The following GRID2 variants were observed in gnomAD, a reference collection of about 807,000 sequenced individuals.
The protein encoded by GRID2 is glutamate receptor ionotropic, delta-2.
Under a neutral mutation model 114.8 loss-of-function variants are expected in GRID2, and 33 were observed. The ratio of observed to expected loss-of-function variants is 0.29; its 90% CI spans 0.22 to 0.38. GRID2 has a LOEUF of 0.38. GRID2 is among the 10% of genes least tolerant of loss of function. The probability of loss-of-function intolerance (pLI) is 1.00; values close to 1 mark genes in which losing one functional copy is unlikely to be tolerated. For synonymous variants in GRID2, 505 were observed against 449.9 expected (o/e 1.12, Z -1.55); for missense variants, 1,184 against 1,257.7 (o/e 0.94, Z 0.89).
Position 92,590,199 on chromosome 4 carries a change from C to A in GRID2, c.157C>A (p.Gln53Lys). 2 of 1,611,412 alleles carry A rather than the reference C, an allele frequency of 1.2e-6. No homozygotes were observed. The highest frequency in any genetic ancestry group is 8.5e-7 in the Non-Finnish European group (1 of 1,177,686). The change falls in exon 2 of 16, where the codon CAG becomes AAG. Residue 53 changes from glutamine (Q) to lysine (K), a missense_variant. By Grantham distance (53) the Gln-to-Lys change is moderately conservative. Around this residue, in one of 3 missense-constraint regions of GRID2, gnomAD observed 455 missense variants for 429.5 expected, o/e 1.06. Transcript: ENST00000282020. ...VFRTAVGDLN[Q>K]NEEILQTEKI... ...TCGCACTGCGGTTGGTGACCTTAAC[C>A]AGAATGAGGAGATCTTACAGACTGA...
At chr4:93,001,152 A>T (rs2149216937) in intron 2 of GRID2, among the ~76,000 whole-genome samples, 1 of 151,738 alleles carries the variant, frequency 6.6e-6, no homozygotes, top group Middle Eastern at 3.4e-3. Context: ...AATGATTACA[A>T]TTTTTCCTCC....
intron 9 of GRID2, among the ~76,000 whole-genome samples, chr4:93,406,817 A>C (rs181954430): frequency 3.9e-5 from 6 of 152,236 alleles, no homozygotes; most frequent in Admixed American, 2.0e-4. Flanking sequence ...TTTGTTAGGA[A>C]GCTGCACGCT....
chr4:93,748,522 C>T (rs1268394521), intron 14 of GRID2, among the ~76,000 whole-genome samples: 2 of 152,156 alleles, frequency 1.3e-5, no homozygotes, highest in Admixed American at 1.3e-4. Context: ...TTAGTTGAAA[C>T]TTGTCTTTGA....
intron 13 of GRID2, among the ~76,000 whole-genome samples, chr4:93,591,584 G>A (rs1738312805): frequency 6.6e-6 from 1 of 152,102 alleles, no homozygotes; most frequent in African/African-American, 2.4e-5. Flanking sequence ...ATGAGTTAGG[G>A]AGGATTCCCT....
chr4:93,794,016 C>T (rs1396707010), intron 1 of GRID2, among the ~76,000 whole-genome samples: 1 of 149,988 alleles, frequency 6.7e-6, no homozygotes, highest in Non-Finnish European at 1.5e-5. Flanking sequence ...CTTATTTCTC[C>T]CATCTGCAGA....
intron 8 of GRID2, among the ~76,000 whole-genome samples, chr4:93,332,295 T>TGAGAGAGAGAGAGAGAGAGAGAGA (rs1353456848): frequency 9.0e-4 from 116 of 128,890 alleles, no homozygotes; most frequent in African/African-American, 3.8e-3. Context: ...TGTGTGTGTG[T>TGAGAGAGAGAGAGAGAGAGAGAGA]GTGTGAGAGA....
At chr4:93,379,158 A>T (rs949129901) in intron 8 of GRID2, among the ~76,000 whole-genome samples, 2 of 152,090 alleles carry the variant, frequency 1.3e-5, no homozygotes, top group African/African-American at 2.4e-5. Flanking sequence ...AGGCTTTATT[A>T]TAAACCAAAT....
At chr4:92,934,973 C>T (rs1258715528) in intron 2 of GRID2, among the ~76,000 whole-genome samples, 2 of 146,470 alleles carry the variant, frequency 1.4e-5, no homozygotes, top group East Asian at 4.4e-4. Context: ...AGGACATAGG[C>T]ATGGGCAAGG....
intron 8 of GRID2, among the ~76,000 whole-genome samples, chr4:93,246,323 C>G (rs533488264): frequency 6.6e-6 from 1 of 152,064 alleles, no homozygotes. Context: ...CATGGTGGCT[C>G]ACACCTGTAA....
chr4:93,484,035 A>AT (rs1490263995), intron 11 of GRID2, among the ~76,000 whole-genome samples: 1 of 151,714 alleles, frequency 6.6e-6, no homozygotes, highest in Admixed American at 6.6e-5. Context: ...CTAATTGTGG[A>AT]TAAAAAAAGG....
At chr4:93,219,115 A>T (rs147174508) in intron 6 of GRID2, among the ~76,000 whole-genome samples, 2 of 152,296 alleles carry the variant, frequency 1.3e-5, no homozygotes, top group East Asian at 3.9e-4. Context: ...CTGGTCATGG[A>T]TATAATTGAT....
intron 2 of GRID2, among the ~76,000 whole-genome samples, chr4:93,046,989 T>A (rs572009598): frequency 6.6e-6 from 1 of 152,044 alleles, no homozygotes; most frequent in South Asian, 2.1e-4. Context: ...TAGTAATAAA[T>A]CATGTTGATA....
chr4:92,390,226 T>G (rs1417229955), intron 1 of GRID2, among the ~76,000 whole-genome samples: 1 of 152,156 alleles, frequency 6.6e-6, no homozygotes, highest in Non-Finnish European at 1.5e-5. Flanking sequence ...CTTCATGTAC[T>G]CACTTCATTT....
intron 2 of GRID2, among the ~76,000 whole-genome samples, chr4:92,656,700 T>G (rs1169740610): frequency 6.6e-6 from 1 of 151,712 alleles, no homozygotes; most frequent in Non-Finnish European, 1.5e-5. Context: ...TCCTGTGAGC[T>G]CTCCCATGCA....
chr4:92,451,869 T>C (rs553287479), intron 1 of GRID2, among the ~76,000 whole-genome samples: 1 of 152,298 alleles, frequency 6.6e-6, no homozygotes, highest in Admixed American at 6.5e-5. Context: ...AATTAGACTT[T>C]GGGAGGGTCA....
chr4:92,797,048 C>T (rs908831577), intron 2 of GRID2, among the ~76,000 whole-genome samples: 2 of 151,862 alleles, frequency 1.3e-5, no homozygotes, highest in African/African-American at 4.8e-5. Flanking sequence ...ATTCATTTAT[C>T]TTGATATGGA....
At chr4:92,507,573 T>A (rs1724040758) in intron 1 of GRID2, among the ~76,000 whole-genome samples, 1 of 151,958 alleles carries the variant, frequency 6.6e-6, no homozygotes, top group African/African-American at 2.4e-5. Flanking sequence ...TGAATAAAAA[T>A]TTAAAAAATA....
intron 14 of GRID2, among the ~76,000 whole-genome samples, chr4:93,654,899 T>A (rs1435130069): frequency 6.6e-6 from 1 of 152,140 alleles, no homozygotes; most frequent in Non-Finnish European, 1.5e-5. Flanking sequence ...TGAAATCTCC[T>A]ACTGAACAAC....
At chr4:93,801,298 TTAAC>T (rs1286930124) in intron 1 of GRID2, among the ~76,000 whole-genome samples, 2 of 152,074 alleles carry the variant, frequency 1.3e-5, no homozygotes, top group African/African-American at 2.4e-5. Flanking sequence ...AAAGTTAAAT[TTAAC>T]TATTATTTAA....
Sources: allele counts gnomAD v4.1 joint callset (sites outside exome capture counted in the v4.1 genomes callset), GRCh38; gene constraint gnomAD v4.1.1; regional missense constraint gnomAD v4.1.1; transcripts MANE v1.5; gene names NCBI Gene and HGNC (gene_info 2026-07-23, HGNC 2026-07-21).